Variants in ASAP1 observed in about 807,000 individuals in gnomAD.
ASAP1 encodes ArfGAP with SH3 domain, ankyrin repeat and PH domain 1, also known as arf-GAP with SH3 domain, ANK repeat and PH domain-containing protein 1.
ASAP1 carries 43 observed loss-of-function variants against 145.2 expected under a neutral mutation model. That is an observed-to-expected ratio of 0.30 (90% CI 0.23 to 0.38). ASAP1 has a LOEUF of 0.38. ASAP1 is among the 10% of genes least tolerant of loss of function. The pLI, the probability that ASAP1 is intolerant of heterozygous loss-of-function variation, is 1.00. For synonymous variants in ASAP1, 546 were observed against 515.5 expected, an observed-to-expected ratio of 1.06 and a Z score of -0.80; for missense variants, 1,018 against 1,355.3, an observed-to-expected ratio of 0.75 and a Z score of 3.91.
chr8:130,219,479 G>C (rs1195575613), intron 4 of ASAP1, among the ~76,000 whole-genome samples: 2 of 152,132 alleles, frequency 1.3e-5, no homozygotes, highest in African/African-American at 2.4e-5. Context: ...AGGCTGCGGT[G>C]GTGGGACACT....
rs183372930 is a variant in ASAP1, at chr8:130,238,898, C to T, written c.187-1904G>A. 2.5e-4 allele frequency among the ~76,000 whole-genome samples: 38 copies of T among 152,236 alleles called. No homozygotes were observed. The East Asian group carries it at 4.8e-3, about 19-fold the overall frequency. On this transcript the variant is annotated intron_variant, in intron 3 of 29. Coordinates refer to ENST00000518721, the MANE Select transcript of ASAP1 (RefSeq NM_018482.4). ...GGGTTTCCAGACTGCAAGTCTAACA[C>T]GATTTCCACCATACCCATCACCTAC...
At chr8:130,074,317 T>C (rs2097456865) in intron 27 of ASAP1, among the ~76,000 whole-genome samples, 1 of 152,130 alleles carries the variant, frequency 6.6e-6, no homozygotes, top group Admixed American at 6.5e-5. Context: ...AGATCAGGTA[T>C]AAACTGTTAA....
chr8:130,098,447 G>T (rs545500258), intron 24 of ASAP1, among the ~76,000 whole-genome samples: 1 of 152,044 alleles, frequency 6.6e-6, no homozygotes, highest in African/African-American at 2.4e-5. Flanking sequence ...GGGTTCAAGC[G>T]ATTCTCCTGT....
At chr8:130,428,502 TC>T in intron 1 of ASAP1, among the ~76,000 whole-genome samples, 1 of 16,252 alleles carries the variant, frequency 6.2e-5, no homozygotes, top group Non-Finnish European at 1.3e-4. Context: ...ACCATCACCA[TC>T]ACCACCATCA....
intron 5 of ASAP1, among the ~76,000 whole-genome samples, chr8:130,205,591 CTTT>C (rs10679649): frequency 2.5e-5 from 3 of 119,210 alleles, no homozygotes; most frequent in South Asian, 2.8e-4. Context: ...AAATACACGG[CTTT>C]TTTTTTTTTT....
chr8:130,124,776 A>G lies in ASAP1; in HGVS notation c.1516-672T>C, dbSNP rs1035193319. Among the ~76,000 whole-genome samples the G allele has an allele frequency of 7.9e-5, 12 of 152,306 alleles. No individual in the cohort carries two copies. The East Asian group carries it at 2.3e-3, about 29-fold the overall frequency. ...AAAGTCTTGGGTTTATTGCATGGCAAACGTTTAGGATTTGGACTTTCCTCT... is the reference window on the plus strand; with the variant it reads ...AAAGTCTTGGGTTTATTGCATGGCAGACGTTTAGGATTTGGACTTTCCTCT... On this transcript the variant is annotated intron_variant, in intron 17 of 29. Coordinates refer to ENST00000518721, the MANE Select transcript of ASAP1 (RefSeq NM_018482.4).
chr8:130,118,233 G>C lies in ASAP1; in HGVS notation c.1808C>G (p.Thr603Arg). The change falls in exon 20 of 30, where the codon ACA becomes AGA. Residue 603 changes from threonine to arginine, a missense_variant. By Grantham distance (71) the Thr-to-Arg change is moderately conservative. Transcript: ENST00000518721. The stretch of plus-strand genomic sequence containing the variant: ...AGTTCGGACGGCAAGGTGAAGGGCT[G>C]TCTCCCCAAGCTCCTAAAAAGGGAA... ...LLEPGQELGE[T>R]ALHLAVRTAD... The C allele has an allele frequency of 6.2e-7, 1 of 1,613,898 alleles. No homozygotes were observed. Among genetic ancestry groups the C allele is most frequent in the Non-Finnish European group, 8.5e-7 (1 of 1,179,882 alleles).
intron 3 of ASAP1, among the ~76,000 whole-genome samples, chr8:130,351,647 G>A (rs1260701977): frequency 6.6e-6 from 1 of 152,136 alleles, no homozygotes; most frequent in Non-Finnish European, 1.5e-5. Context: ...GGGCGAGAGA[G>A]AGAGAAAAGT....
rs138016236 is a variant in ASAP1 at position 130,057,266 on chromosome 8, G to A, written c.3315+688C>T. Among the ~76,000 whole-genome samples, 752 of 152,250 alleles carry A rather than the reference G, an allele frequency of 4.9e-3. 4 individuals carry two copies. The highest frequency in any genetic ancestry group is 7.4e-3 in the Non-Finnish European group (505 of 68,026). Reference sequence around the variant, plus strand: ...GCACATAGGCTCTGGGGTCAGGGCCGATCTGGAATCTTGACTTAGCCTGCT... The same window carrying A: ...GCACATAGGCTCTGGGGTCAGGGCCAATCTGGAATCTTGACTTAGCCTGCT... On this transcript the variant is annotated intron_variant, in intron 29 of 29. Transcript: ENST00000518721.
At chr8:130,134,191 C>A in intron 15 of ASAP1, 105 bp downstream of exon 15, 1 of 814,636 alleles carries the variant, frequency 1.2e-6, no homozygotes, top group Non-Finnish European at 1.9e-6. Flanking sequence ...CATGGAGCCA[C>A]CAGGCGAGGT....
Position 130,160,717 on chromosome 8 carries a change from C to A in ASAP1, c.910-753G>T, listed in dbSNP as rs530521069. ...AAATAAAATCAACAACGTTGAACTG[C>A]AGAACGAGAACATGGTCTTTAGACA... is the stretch of plus-strand genomic sequence containing the variant. On this transcript the variant is annotated intron_variant, in intron 11 of 29. Transcript: ENST00000518721. The A allele has an allele frequency of 3.5e-5, 37 of 1,046,186 alleles. 2 individuals are homozygous for A. In the African/African-American group the frequency reaches 4.3e-4, roughly 12 times the overall value. The allele number at this position is 1,046,186 out of a possible 1,614,324, so 64.8% of individuals were successfully genotyped here.
At chr8:130,104,962 G>A (rs2097534575) in intron 24 of ASAP1, among the ~76,000 whole-genome samples, 2 of 152,118 alleles carry the variant, frequency 1.3e-5, no homozygotes, top group Admixed American at 6.5e-5. Context: ...CTGCCACATA[G>A]GAAGGGTAAT....
intron 25 of ASAP1, among the ~76,000 whole-genome samples, chr8:130,081,138 T>G (rs1438298753): frequency 6.6e-6 from 1 of 152,218 alleles, no homozygotes; most frequent in African/African-American, 2.4e-5. Flanking sequence ...CTCTGACTGC[T>G]GGCAGGAGTG....
intron 11 of ASAP1, among the ~76,000 whole-genome samples, chr8:130,166,986 G>C (rs1278575113): frequency 6.6e-6 from 1 of 152,180 alleles, no homozygotes; most frequent in Non-Finnish European, 1.5e-5. Context: ...TGAAGTGCAT[G>C]TCCTCAAAAC....
At chr8:130,347,235 T>C (rs1586877685) in intron 3 of ASAP1, among the ~76,000 whole-genome samples, 3 of 152,316 alleles carry the variant, frequency 2.0e-5, no homozygotes, top group Admixed American at 1.3e-4. Context: ...CCATACCCTA[T>C]GTGGAATGTT....
chr8:130,269,571 A>G (rs1278074885), intron 3 of ASAP1, among the ~76,000 whole-genome samples: 4 of 152,206 alleles, frequency 2.6e-5, no homozygotes, highest in African/African-American at 7.2e-5. Context: ...TCCAAGTTTC[A>G]TACTGACAGA....
At chr8:130,309,353 C>G (rs1172435733) in intron 3 of ASAP1, among the ~76,000 whole-genome samples, 1 of 152,148 alleles carries the variant, frequency 6.6e-6, no homozygotes, top group Non-Finnish European at 1.5e-5. Context: ...CTCATCCTGA[C>G]TAACAGAGAG....
intron 27 of ASAP1, among the ~76,000 whole-genome samples, chr8:130,063,639 G>C (rs1454036210): frequency 3.3e-5 from 5 of 152,152 alleles, no homozygotes; most frequent in Non-Finnish European, 5.9e-5. Flanking sequence ...TAAGAGCCCC[G>C]CGATGTGGAT....
chr8:130,062,917 G>T (rs1180301316), intron 27 of ASAP1, among the ~76,000 whole-genome samples: 1 of 152,138 alleles, frequency 6.6e-6, no homozygotes, highest in Admixed American at 6.5e-5. Flanking sequence ...AGGCTACAGT[G>T]AACTATGACG....
Sources: allele counts gnomAD v4.1 joint callset (sites outside exome capture counted in the v4.1 genomes callset), GRCh38; gene constraint gnomAD v4.1.1; transcripts MANE v1.5; gene names NCBI Gene and HGNC (gene_info 2026-07-23, HGNC 2026-07-21).